Variants in PDE10A observed in about 807,000 individuals in gnomAD.
PDE10A encodes cAMP and cAMP-inhibited cGMP 3',5'-cyclic phosphodiesterase 10A.
In PDE10A, 39 loss-of-function variants were observed where a neutral mutation model predicts 97.7. The ratio of observed to expected loss-of-function variants is 0.40; its 90% CI spans 0.31 to 0.52. The LOEUF is 0.52. Ranked by LOEUF, PDE10A falls within the 20% of genes least tolerant of loss-of-function variation. PDE10A has a pLI of 0.56. For missense variants in PDE10A, 731 were observed against 1,047.8 expected (o/e 0.70, Z 4.17); for synonymous variants, 371 against 376.8 (o/e 0.98, Z 0.18).
intron 1 of PDE10A, among the ~76,000 whole-genome samples, chr6:165,606,496 G>A (rs938653521): frequency 5.9e-5 from 9 of 152,090 alleles, no homozygotes; most frequent in African/African-American, 9.7e-5. Flanking sequence ...GAAAGTGAGC[G>A]TCGCCTATTA....
At chr6:165,892,380 C>T (rs1006565562) in intron 1 of PDE10A, among the ~76,000 whole-genome samples, 2 of 152,220 alleles carry the variant, frequency 1.3e-5, no homozygotes, top group African/African-American at 4.8e-5. Context: ...ACAGAGAATC[C>T]ACTCGCCTTC....
intron 19 of PDE10A, 38 bp downstream of exon 19, chr6:165,343,353 C>CAG (rs1782096972): frequency 7.5e-7 from 1 of 1,332,150 alleles, no homozygotes; most frequent in African/African-American, 1.4e-5. Context: ...TTTTATTTCT[C>CAG]CTCACTATCT....
intron 1 of PDE10A, among the ~76,000 whole-genome samples, chr6:165,773,861 A>G (rs1778087222): frequency 6.6e-6 from 1 of 152,208 alleles, no homozygotes; most frequent in Non-Finnish European, 1.5e-5. Context: ...CAATGGTGAA[A>G]AATAGCCCTG....
intron 1 of PDE10A, among the ~76,000 whole-genome samples, chr6:165,729,228 A>G (rs1257899279): frequency 2.0e-5 from 3 of 152,166 alleles, no homozygotes; most frequent in Admixed American, 6.5e-5. Context: ...TTTCCAGGAA[A>G]ATTTGATTGT....
intron 1 of PDE10A, among the ~76,000 whole-genome samples, chr6:165,586,291 A>G (rs1454784008): frequency 2.0e-5 from 3 of 152,196 alleles, no homozygotes; most frequent in Non-Finnish European, 2.9e-5. Context: ...ATGAGAATCA[A>G]ATAATATTAT....
chr6:165,387,694 A>G (rs17193), intron 17 of PDE10A, among the ~76,000 whole-genome samples: 112,125 of 152,126 alleles, frequency 0.74, 42,472 homozygotes, highest in African/African-American at 0.89. Context: ...TACTTAAGCC[A>G]AACCCAGATT....
At chr6:165,831,478 C>CTTTTTT (rs200237321) in intron 1 of PDE10A, among the ~76,000 whole-genome samples, 40 of 133,826 alleles carry the variant, frequency 3.0e-4, no homozygotes, top group Middle Eastern at 3.7e-3. Flanking sequence ...TTGCAGGAGT[C>CTTTTTT]TTTTTTTTTT....
At chr6:165,596,777 T>C (rs1310373375) in intron 1 of PDE10A, among the ~76,000 whole-genome samples, 3 of 152,054 alleles carry the variant, frequency 2.0e-5, no homozygotes, top group African/African-American at 7.2e-5. Flanking sequence ...AACTCTTCAG[T>C]TTCTTCCTGT....
intron 1 of PDE10A, among the ~76,000 whole-genome samples, chr6:165,895,096 C>A (rs7751048): frequency 0.46 from 70,580 of 152,050 alleles, 16,628 homozygotes; most frequent in East Asian, 0.66. Flanking sequence ...ATCCTTCCTA[C>A]CTAATATCCA....
intron 2 of PDE10A, among the ~76,000 whole-genome samples, chr6:165,530,587 C>T (rs1782714614): frequency 7.1e-6 from 1 of 141,070 alleles, no homozygotes; most frequent in Admixed American, 7.7e-5. Flanking sequence ...GCAACAGACC[C>T]ATGTAAAACA....
At chr6:165,387,602 G>C (rs1485321153) in intron 17 of PDE10A, among the ~76,000 whole-genome samples, 1 of 152,168 alleles carries the variant, frequency 6.6e-6, no homozygotes, top group Non-Finnish European at 1.5e-5. Flanking sequence ...TTTTCCCTTA[G>C]ACACATCATT....
intron 1 of PDE10A, among the ~76,000 whole-genome samples, chr6:165,758,643 AAGGAAGAGGAGGAGG>A (rs551508072): frequency 1.0e-3 from 157 of 150,770 alleles, no homozygotes; most frequent in Non-Finnish European, 2.1e-3. Context: ...GAAGAGGAAG[AAGGAAGAGGAGGAGG>A]AGGAAGAGGA....
intron 1 of PDE10A, among the ~76,000 whole-genome samples, chr6:165,573,408 G>A (rs1785147899): frequency 6.6e-6 from 1 of 151,820 alleles, no homozygotes; most frequent in Non-Finnish European, 1.5e-5. Flanking sequence ...ATAAGTAATT[G>A]AGATAAACAG....
intron 2 of PDE10A, among the ~76,000 whole-genome samples, chr6:165,518,556 C>A (rs774049340): frequency 2.0e-5 from 3 of 152,110 alleles, no homozygotes. Context: ...GTGTTCAAGT[C>A]GCCCTCACTT....
intron 2 of PDE10A, among the ~76,000 whole-genome samples, chr6:165,514,067 T>G (rs1253507875): frequency 6.6e-6 from 1 of 152,196 alleles, no homozygotes; most frequent in Admixed American, 6.5e-5. Context: ...TATTTTGAAT[T>G]TTTACTAGTA....
chr6:165,471,482 C>T (rs896072037), intron 3 of PDE10A, among the ~76,000 whole-genome samples: 7 of 152,130 alleles, frequency 4.6e-5, no homozygotes, highest in African/African-American at 1.7e-4. Flanking sequence ...TACTACTTAA[C>T]ATCTCCCATT....
At chr6:165,921,855 G>C (rs1429058618) in intron 1 of PDE10A, among the ~76,000 whole-genome samples, 2 of 152,158 alleles carry the variant, frequency 1.3e-5, no homozygotes, top group Non-Finnish European at 2.9e-5. Context: ...GAGAGACAGG[G>C]AGCACTGATG....
rs144359676 is a variant in PDE10A, at chr6:165,627,891, T to A, written c.865+34056A>T. Among the ~76,000 whole-genome samples, 212 of 152,272 alleles carry A rather than the reference T, an allele frequency of 1.4e-3. 1 individual carries two copies. Among genetic ancestry groups the A allele is most frequent in the African/African-American group, 4.7e-3 (195 of 41,554 alleles). On this transcript the variant is annotated intron_variant, in intron 1 of 21. Coordinates refer to ENST00000539869, the MANE Select transcript of PDE10A (RefSeq NM_001385079.1). ...AGAAGCCGCATTACCTATCACCAAG[T>A]CCAACCCATAAAGCTGAAGCCACTT...
intron 1 of PDE10A, among the ~76,000 whole-genome samples, chr6:165,954,860 T>G (rs1784081928): frequency 6.6e-6 from 1 of 151,976 alleles, no homozygotes; most frequent in South Asian, 2.1e-4. Flanking sequence ...TCTTCAAAGT[T>G]CACAAGCAGA....
Sources: allele counts gnomAD v4.1 joint callset (sites outside exome capture counted in the v4.1 genomes callset), GRCh38; gene constraint gnomAD v4.1.1; transcripts MANE v1.5; gene names NCBI Gene and HGNC (gene_info 2026-07-23, HGNC 2026-07-21).